The following CDH23 variants were observed in gnomAD, a reference collection of about 807,000 sequenced individuals.
CDH23 encodes the protein cadherin-23.
A neutral mutation model predicts 317.1 loss-of-function variants in CDH23; 189 were observed. The observed-to-expected ratio is 0.60, with a 90% CI of 0.53 to 0.67. The LOEUF (loss-of-function observed/expected upper bound fraction) is 0.67, where lower values mean the gene tolerates loss of function less well. Ranked by LOEUF, CDH23 falls within the 30% of genes least tolerant of loss-of-function variation. The pLI is 0.00. For synonymous variants in CDH23, 1,839 were observed against 1,876.8 expected (o/e 0.98, Z 0.52); for missense variants, 4,401 against 4,592.4 (o/e 0.96, Z 1.20).
At chr10:71,633,669 G>T (rs1862124807) in intron 11 of CDH23, among the ~76,000 whole-genome samples, 1 of 152,222 alleles carries the variant, frequency 6.6e-6, no homozygotes, top group Non-Finnish European at 1.5e-5. Flanking sequence ...AGAGGGAGAT[G>T]AAATTACCTG....
chr10:71,730,109 T>G (rs1463280373), intron 30 of CDH23, among the ~76,000 whole-genome samples: 1 of 152,032 alleles, frequency 6.6e-6, no homozygotes, highest in Non-Finnish European at 1.5e-5. Flanking sequence ...GCTGCTGGGA[T>G]TACAGGCGTG....
At chr10:71,688,926 C>T (rs376122721) in intron 19 of CDH23, among the ~76,000 whole-genome samples, 658 of 65,212 alleles carry the variant, frequency 0.01, 4 homozygotes, top group Non-Finnish European at 0.014. Context: ...GGTGGTGGAG[C>T]CAGGGGTGGT....
At chr10:71,666,101 C>T (rs1173865379) in intron 14 of CDH23, among the ~76,000 whole-genome samples, 2 of 152,142 alleles carry the variant, frequency 1.3e-5, no homozygotes, top group Non-Finnish European at 2.9e-5. Context: ...CCTTCCCTTT[C>T]TCTGCAGGCC....
intron 3 of CDH23, among the ~76,000 whole-genome samples, chr10:71,483,789 G>C (rs1852196266): frequency 1.3e-5 from 2 of 151,942 alleles, no homozygotes; most frequent in African/African-American, 4.8e-5. Context: ...GCCAGTCCTG[G>C]GACTAGGTAA....
At chr10:71,799,715 T>C (rs1341757216) in intron 52 of CDH23, 86 bp downstream of exon 52, 1 of 1,568,692 alleles carries the variant, frequency 6.4e-7, no homozygotes, top group Non-Finnish European at 8.7e-7. Context: ...ATTGTAGTAA[T>C]CCCTCTGGGT....
chr10:71,427,922 A>G, intron 1 of CDH23, among the ~76,000 whole-genome samples: 1 of 151,908 alleles, frequency 6.6e-6, no homozygotes, highest in East Asian at 1.9e-4. Flanking sequence ...CATGTTGGCC[A>G]GGCTGGTCTC....
At chr10:71,675,261 T>A (rs980811160) in intron 15 of CDH23, 85 bp downstream of exon 15, 2 of 1,174,570 alleles carry the variant, frequency 1.7e-6, no homozygotes, top group Non-Finnish European at 2.5e-6. Flanking sequence ...AACTTTTCAG[T>A]GCCCAGGGAG....
intron 16 of CDH23, among the ~76,000 whole-genome samples, chr10:71,678,587 A>T (rs1227041): frequency 1.3e-4 from 20 of 152,174 alleles, no homozygotes; most frequent in Non-Finnish European, 2.5e-4. Flanking sequence ...GAAGAACAGA[A>T]CATGTGCCCG....
At chr10:71,686,227 A>G in intron 18 of CDH23, among the ~76,000 whole-genome samples, 1 of 152,056 alleles carries the variant, frequency 6.6e-6, no homozygotes, top group East Asian at 1.9e-4. Context: ...TCTGTCACTG[A>G]CATTCTCCAC....
rs1589365303 is a variant in CDH23, at chr10:71,715,806, T to C, written c.3369+2993T>C. 4 of 887,752 alleles carry C rather than the reference T, an allele frequency of 4.5e-6. No individual in the cohort carries two copies. In the East Asian group the frequency reaches 1.3e-4, roughly 28 times the overall value. The allele number at this position is 887,752 out of a possible 1,614,324, so 55.0% of individuals were successfully genotyped here. On this transcript the variant is annotated intron_variant, in intron 28 of 69. Coordinates refer to ENST00000224721, the MANE Select transcript of CDH23 (RefSeq NM_022124.6). Reference sequence around the variant, plus strand: ...CGCTGGCCTGGGCATGCAAGGAGCTTCGGGGGGTGAGTGTGTGTCCCAGAC... The same window carrying C: ...CGCTGGCCTGGGCATGCAAGGAGCTCCGGGGGGTGAGTGTGTGTCCCAGAC...
chr10:71,640,608 C>T (rs917425427), intron 11 of CDH23, among the ~76,000 whole-genome samples: 6 of 152,066 alleles, frequency 3.9e-5, no homozygotes, highest in Non-Finnish European at 8.8e-5. Flanking sequence ...ATTCCCCGGG[C>T]GTGGTGGCGC....
intron 6 of CDH23, chr10:71,512,203 C>T (rs1854030865): frequency 6.6e-6 from 1 of 152,242 alleles, no homozygotes; most frequent in Admixed American, 6.5e-5. Context: ...CAGGCTCAGC[C>T]TCCCTCGAGG....
intron 18 of CDH23, among the ~76,000 whole-genome samples, chr10:71,685,896 C>T (rs544904886): frequency 6.6e-6 from 1 of 152,284 alleles, no homozygotes; most frequent in Non-Finnish European, 1.5e-5. Flanking sequence ...CCTCCCTCCA[C>T]CAAAAGGATT....
chr10:71,738,536 C>T lies in CDH23; in HGVS notation c.4248C>T (p.Pro1416=). 6.2e-7 allele frequency: 1 copy of T among 1,613,986 alleles called. No homozygotes were observed. Among genetic ancestry groups the T allele is most frequent in the Non-Finnish European group, 8.5e-7 (1 of 1,179,892 alleles). ...ITVLDENDNS[P]RFDFTSDSAV... is the part of the protein sequence containing the mutation. ...TGCTGGACGAGAATGACAACAGCCC[C>T]CGGTTTGACTTCACCTCCGACTCGG... The change falls in exon 35 of 70, where the codon CCC becomes CCT. Residue 1416 remains proline (P), a synonymous_variant. Transcript: ENST00000224721.
rs1841701928 is a variant in CDH23, at chr10:71,805,944, G to T, written c.8011G>T (p.Gly2671Cys). 2 of 1,613,452 alleles carry T rather than the reference G, an allele frequency of 1.2e-6. No individual in the cohort carries two copies. The highest frequency in any genetic ancestry group is 2.7e-5 in the African/African-American group (2 of 75,016). The change falls in exon 56 of 70, where the codon GGC (glycine) becomes TGC (cysteine). Residue 2671 changes from glycine to cysteine, a missense_variant. Physicochemically the swap from Gly to Cys is radical, Grantham distance 159. This residue lies in a region of CDH23 where 1,144 missense variants were observed against 1,138.2 expected (regional missense o/e 1.01). Transcript: ENST00000224721. ...WEFFIIDPIS[G>C]LIQTAQRLDR... ...GTTCTTCATCATCGACCCAATCAGC[G>T]GCCTCATCCAGACTGCTCAGCGCCT...
intron 11 of CDH23, among the ~76,000 whole-genome samples, chr10:71,623,728 A>G (rs1299077346): frequency 2.0e-5 from 3 of 152,182 alleles, no homozygotes; most frequent in Non-Finnish European, 4.4e-5. Flanking sequence ...CCCCAGTTCC[A>G]TGATCATAGA....
intron 12 of CDH23, among the ~76,000 whole-genome samples, chr10:71,644,138 G>A (rs931050709): frequency 4.6e-5 from 7 of 152,240 alleles, no homozygotes; most frequent in Admixed American, 1.3e-4. Flanking sequence ...ACCAGGGAGC[G>A]CTGCAACCTC....
intron 28 of CDH23, among the ~76,000 whole-genome samples, chr10:71,720,541 C>T (rs1200803915): frequency 6.6e-6 from 1 of 152,196 alleles, no homozygotes; most frequent in Non-Finnish European, 1.5e-5. Context: ...GGCAGCTTCC[C>T]CACCAGGGAC....
At chr10:71,439,990 G>T in intron 2 of CDH23, 92 bp downstream of exon 2, 1 of 988,146 alleles carries the variant, frequency 1.0e-6, no homozygotes, top group Non-Finnish European at 1.6e-6. Context: ...TCATCTTTGT[G>T]CTCTGGGACT....
Sources: gnomAD v4.1 joint callset for allele counts (sites outside exome capture counted in the v4.1 genomes callset) on GRCh38, gnomAD v4.1.1 for gene constraint, gnomAD v4.1.1 regional missense constraint, MANE v1.5 for transcripts, NCBI Gene and HGNC (gene_info 2026-07-23, HGNC 2026-07-21) for gene names.